SLC14A2: variants seen among roughly 807,000 people sequenced by gnomAD.
SLC14A2 encodes urea transporter 2.
In SLC14A2, 91 loss-of-function variants were observed where a neutral mutation model predicts 104.6. The observed-to-expected ratio is 0.87, with a 90% CI of 0.73 to 1.04. The LOEUF (loss-of-function observed/expected upper bound fraction) is 1.04, where lower values mean the gene tolerates loss of function less well. Among genes scored for constraint, SLC14A2 ranks in the 50% least tolerant of loss-of-function variants. The pLI, the probability that SLC14A2 is intolerant of heterozygous loss-of-function variation, is 0.00. For missense variants in SLC14A2, 1,189 were observed against 1,156.0 expected, an observed-to-expected ratio of 1.03 and a Z score of -0.41; for synonymous variants, 476 against 466.4, an observed-to-expected ratio of 1.02 and a Z score of -0.27.
chr18:45,297,562 G>A (rs545841851), intron 1 of SLC14A2, among the ~76,000 whole-genome samples: 20 of 152,266 alleles, frequency 1.3e-4, no homozygotes, highest in Non-Finnish European at 4.4e-5. Flanking sequence ...ATGGATTTAG[G>A]ACAAATCACT....
At chr18:45,587,790 T>C (rs2044588847) in intron 2 of SLC14A2, among the ~76,000 whole-genome samples, 2 of 152,068 alleles carry the variant, frequency 1.3e-5, no homozygotes, top group Non-Finnish European at 2.9e-5. Context: ...CAAGAAGCTA[T>C]GTGTGGAAGC....
At chr18:45,650,307 C>A (rs1217865237) in intron 10 of SLC14A2, among the ~76,000 whole-genome samples, 1 of 152,026 alleles carries the variant, frequency 6.6e-6, no homozygotes, top group Admixed American at 6.5e-5. Flanking sequence ...AATAGAAGAT[C>A]CATGTGTGTT....
chr18:45,422,632 T>A (rs763860050), intron 1 of SLC14A2, among the ~76,000 whole-genome samples: 34 of 152,180 alleles, frequency 2.2e-4, no homozygotes, highest in Admixed American at 5.2e-4. Flanking sequence ...CATGGACAGG[T>A]GAGGCCTCTG....
chr18:45,645,605 C>A, intron 10 of SLC14A2, among the ~76,000 whole-genome samples: 1 of 6,214 alleles, frequency 1.6e-4, no homozygotes, highest in South Asian at 6.6e-3. Context: ...TTCATTTGGT[C>A]TTTTTAAATA....
At chr18:45,308,797 G>C (rs1406547988) in intron 1 of SLC14A2, among the ~76,000 whole-genome samples, 1 of 152,142 alleles carries the variant, frequency 6.6e-6, no homozygotes, top group Non-Finnish European at 1.5e-5. Context: ...TTTCCTCCTG[G>C]TCTGAACATA....
At chr18:45,593,279 G>A (rs1417905868) in intron 2 of SLC14A2, among the ~76,000 whole-genome samples, 2 of 150,770 alleles carry the variant, frequency 1.3e-5, no homozygotes, top group African/African-American at 2.4e-5. Context: ...ATCGCTCCAC[G>A]GCACCCCAGC....
chr18:45,250,725 C>T (rs887044996), intron 1 of SLC14A2, among the ~76,000 whole-genome samples: 1 of 140,872 alleles, frequency 7.1e-6, no homozygotes, highest in Admixed American at 7.1e-5. Context: ...ACTTGTCTTA[C>T]AACTGAATCC....
intron 1 of SLC14A2, among the ~76,000 whole-genome samples, chr18:45,256,067 C>T (rs2084474947): frequency 6.6e-6 from 1 of 152,304 alleles, no homozygotes; most frequent in Non-Finnish European, 1.5e-5. Flanking sequence ...GGTTATGGGA[C>T]TCAGCGTTCT....
At chr18:45,354,308 T>C (rs2085530485) in intron 1 of SLC14A2, among the ~76,000 whole-genome samples, 1 of 152,184 alleles carries the variant, frequency 6.6e-6, no homozygotes. Flanking sequence ...GCAGAGCTCC[T>C]AGACACTGGG....
chr18:45,344,262 G>C (rs2085425837), intron 1 of SLC14A2, among the ~76,000 whole-genome samples: 1 of 152,118 alleles, frequency 6.6e-6, no homozygotes, highest in African/African-American at 2.4e-5. Context: ...ATACCACTTA[G>C]ATGTCATTCA....
intron 10 of SLC14A2, among the ~76,000 whole-genome samples, chr18:45,656,461 T>C (rs1455258247): frequency 6.6e-6 from 1 of 152,170 alleles, no homozygotes; most frequent in Admixed American, 6.5e-5. Flanking sequence ...ATAGGGAGCA[T>C]GTAGGTTATT....
At chr18:45,354,222 C>T (rs561644316) in intron 1 of SLC14A2, among the ~76,000 whole-genome samples, 3 of 152,296 alleles carry the variant, frequency 2.0e-5, no homozygotes, top group South Asian at 4.1e-4. Flanking sequence ...TTGATGTTCC[C>T]GGGATCACCA....
At chr18:45,595,317 C>T (rs142030603) in intron 2 of SLC14A2, among the ~76,000 whole-genome samples, 106 of 152,090 alleles carry the variant, frequency 7.0e-4, no homozygotes, top group Middle Eastern at 3.4e-3. Context: ...ATTTATTTTG[C>T]ACTCCTGTGC....
At chr18:45,635,271 A>G (rs978092654) in intron 5 of SLC14A2, among the ~76,000 whole-genome samples, 1 of 152,238 alleles carries the variant, frequency 6.6e-6, no homozygotes, top group Non-Finnish European at 1.5e-5. Context: ...AGAAGCTTTC[A>G]TCTATGGTAC....
At chr18:45,302,596 A>T (rs957321535) in intron 1 of SLC14A2, among the ~76,000 whole-genome samples, 1 of 152,258 alleles carries the variant, frequency 6.6e-6, no homozygotes, top group South Asian at 2.1e-4. Context: ...TTTCTTCTTT[A>T]GTCATCTATT....
intron 1 of SLC14A2, among the ~76,000 whole-genome samples, chr18:45,223,350 G>C (rs2084082103): frequency 6.6e-6 from 1 of 152,150 alleles, no homozygotes; most frequent in Non-Finnish European, 1.5e-5. Flanking sequence ...AAAGCAGAGA[G>C]AGACAAAAGA....
rs201109161 is a variant in SLC14A2, at chr18:45,644,110, G to A, written c.1301G>A (p.Arg434His). 1.9e-5 allele frequency: 31 copies of A among 1,614,166 alleles called. No individual in the cohort carries two copies. Among genetic ancestry groups the A allele is most frequent in the African/African-American group, 9.3e-5 (7 of 75,034 alleles). Residue 434 changes from arginine to histidine, a missense_variant, in exon 10 of 20, where the codon CGC (arginine) becomes CAC (histidine). By Grantham distance (29) the Arg-to-His change is conservative. Transcript: ENST00000255226. ...AAAGTCACCTACCCCGAGGCCAACC[G>A]CATCTACTACCTGACAGTGAAAAGC... ...LSKVTYPEAN[R>H]IYYLTVKSGE... is the part of the protein sequence containing the mutation.
chr18:45,475,921 G>C (rs1051113027), intron 1 of SLC14A2, among the ~76,000 whole-genome samples: 1 of 151,802 alleles, frequency 6.6e-6, no homozygotes, highest in Admixed American at 6.6e-5. Flanking sequence ...AATTGGTCTT[G>C]ACTCTTTATC....
At chr18:45,563,575 AT>A (rs932469425) in intron 2 of SLC14A2, among the ~76,000 whole-genome samples, 8 of 151,858 alleles carry the variant, frequency 5.3e-5, no homozygotes, top group African/African-American at 1.7e-4. Context: ...TTCTTCCTAC[AT>A]TTTTTTTGGC....
Sources: gnomAD v4.1 joint callset for allele counts (sites outside exome capture counted in the v4.1 genomes callset) on GRCh38, gnomAD v4.1.1 for gene constraint, MANE v1.5 for transcripts, NCBI Gene and HGNC (gene_info 2026-07-23, HGNC 2026-07-21) for gene names.